Variants in UNC80 observed in about 807,000 individuals in gnomAD.
UNC80 encodes the protein unc-80 subunit of NALCN channel complex.
Under a neutral mutation model 384.6 loss-of-function variants are expected in UNC80, and 164 were observed. The ratio of observed to expected loss-of-function variants is 0.43; its 90% CI spans 0.38 to 0.49. UNC80 has a LOEUF of 0.49. UNC80 is among the 20% of genes least tolerant of loss of function. The pLI is 0.00. For synonymous variants in UNC80, 1,486 were observed against 1,527.8 expected (o/e 0.97, Z 0.64); for missense variants, 3,330 against 4,143.0 (o/e 0.80, Z 5.39).
intron 29 of UNC80, among the ~76,000 whole-genome samples, chr2:209,912,302 C>T (rs1186381974): frequency 6.6e-6 from 1 of 152,158 alleles, no homozygotes; most frequent in Non-Finnish European, 1.5e-5. Context: ...AGTTCCTCCA[C>T]CTCTCCAGAT....
In UNC80 at chr2:209,880,996, G is replaced by T. The variant is rs779770255; in HGVS notation, c.4012G>T (p.Ala1338Ser). Reference protein sequence around the residue: ...VNPSKCGCPFALKMAACQLLL... With the variant: ...VNPSKCGCPFSLKMAACQLLL... ...CCCCTCTAAATGCGGTTGCCCCTTT[G>T]CCTTGAAGATGGCAGCATGTCAGCT... is the stretch of plus-strand genomic sequence containing the variant. The change falls in exon 25 of 65, where the codon GCC (alanine) becomes TCC (serine). Residue 1338 changes from alanine to serine, a missense_variant. Physicochemically the swap from Ala to Ser is moderately conservative, Grantham distance 99 (BLOSUM62 1). Coordinates refer to ENST00000673920, the MANE Select transcript of UNC80 (RefSeq NM_001371986.1). The T allele has an allele frequency of 3.0e-5, 46 of 1,551,914 alleles. No individual in the cohort carries two copies. The highest frequency in any genetic ancestry group is 3.8e-5 in the Non-Finnish European group (44 of 1,147,072).
At chr2:209,936,033 C>G (rs1207198044) in intron 40 of UNC80, among the ~76,000 whole-genome samples, 3 of 152,094 alleles carry the variant, frequency 2.0e-5, no homozygotes, top group African/African-American at 7.2e-5. Context: ...ATCTGATTTT[C>G]AGGAACATAG....
At chr2:209,941,861 G>C (rs192838980) in intron 44 of UNC80, among the ~76,000 whole-genome samples, 1 of 152,186 alleles carries the variant, frequency 6.6e-6, no homozygotes, top group African/African-American at 2.4e-5. Flanking sequence ...ATCTCTTGAA[G>C]TGAGGAGCTT....
intron 61 of UNC80, among the ~76,000 whole-genome samples, chr2:209,988,431 A>G (rs894442776): frequency 1.3e-5 from 2 of 152,148 alleles, no homozygotes; most frequent in Admixed American, 6.5e-5. Context: ...TTTTGAAATG[A>G]GCGATATGAA....
intron 16 of UNC80, among the ~76,000 whole-genome samples, chr2:209,832,594 C>T (rs959203599): frequency 6.6e-6 from 1 of 152,084 alleles, no homozygotes; most frequent in African/African-American, 2.4e-5. Context: ...AGATAAAATC[C>T]CAAACTAAAG....
chr2:209,993,830 A>G (rs1358242729), intron 63 of UNC80, among the ~76,000 whole-genome samples: 2 of 152,224 alleles, frequency 1.3e-5, no homozygotes, highest in Non-Finnish European at 2.9e-5. Context: ...TTCTATACAA[A>G]TGTTATTTTA....
chr2:209,827,729 G>A (rs1245639307), intron 14 of UNC80, among the ~76,000 whole-genome samples: 3 of 152,064 alleles, frequency 2.0e-5, no homozygotes, highest in African/African-American at 4.8e-5. Flanking sequence ...TCTACCATTG[G>A]CCTTTCAGAA....
intron 25 of UNC80, 52 bp downstream of exon 25, chr2:209,881,146 T>C: frequency 1.3e-6 from 2 of 1,513,150 alleles, no homozygotes; most frequent in Admixed American, 4.3e-5. Flanking sequence ...AGGCCAGGCG[T>C]GTGTCTGGGT....
At chr2:209,853,323 T>A (rs1213057224) in intron 22 of UNC80, among the ~76,000 whole-genome samples, 1 of 152,136 alleles carries the variant, frequency 6.6e-6, no homozygotes, top group African/African-American at 2.4e-5. Context: ...AGAATTTAAA[T>A]GTGATTTTTT....
At position 209,872,732 on chromosome 2, in the gene UNC80, ATTC is replaced by A; in HGVS notation, c.3628-23_3628-21del. On this transcript the variant is annotated intron_variant, in intron 22 of 64. Transcript: ENST00000673920. The surrounding 1 kb of genome is among the most constrained non-coding windows in gnomAD (Gnocchi z 4.1). ...AGTTATTGTTCATTAATCCCACATT[ATTC>A]TTTCCTAAACAACCCTACACAGGAA... The A allele has an allele frequency of 1.3e-6, 2 of 1,537,782 alleles. No homozygotes were observed. Among genetic ancestry groups the A allele is most frequent in the Non-Finnish European group, 1.8e-6 (2 of 1,134,534 alleles).
chr2:209,798,479 G>A (rs1329651797), intron 7 of UNC80, among the ~76,000 whole-genome samples: 1 of 152,054 alleles, frequency 6.6e-6, no homozygotes, highest in African/African-American at 2.4e-5. Context: ...GTAGATGTGT[G>A]ATGTTATTTC....
intron 4 of UNC80, among the ~76,000 whole-genome samples, chr2:209,778,883 A>G (rs1249312866): frequency 2.0e-5 from 3 of 152,244 alleles, no homozygotes; most frequent in African/African-American, 7.2e-5. Context: ...GAACATTAAC[A>G]GTCACCATGA....
intron 54 of UNC80, 136 bp from the exon 55 acceptor site, chr2:209,972,065 G>A (rs1157638903): frequency 9.2e-7 from 1 of 1,083,814 alleles, no homozygotes; most frequent in Non-Finnish European, 1.3e-6. Context: ...CTTGTATGCT[G>A]TACAGACAAC....
In UNC80 at chr2:209,829,305, A is replaced by G; in HGVS notation, c.2552A>G (p.Asn851Ser). 1 of 1,551,464 alleles carries G rather than the reference A, an allele frequency of 6.4e-7. No homozygotes were observed. The highest frequency in any genetic ancestry group is 8.7e-7 in the Non-Finnish European group (1 of 1,146,812). Residue 851 changes from asparagine (N) to serine (S), a missense_variant, in exon 15 of 65, where the codon AAC becomes AGC. Physicochemically the swap from Asn to Ser is conservative, Grantham distance 46. Transcript: ENST00000673920. ...CGACAAACCATGAGGGACTATGTGAACAAGGACTCTCTCAATAATGTAGTG... is the reference window on the plus strand; with the variant it reads ...CGACAAACCATGAGGGACTATGTGAGCAAGGACTCTCTCAATAATGTAGTG... ...QFRQTMRDYV[N>S]KDSLNNVVDF...
chr2:209,973,101 G>C lies in UNC80; in HGVS notation c.8418G>C (p.Leu2806=). 1 of 1,551,630 alleles carries C rather than the reference G, an allele frequency of 6.4e-7. No individual in the cohort carries two copies. The highest frequency in any genetic ancestry group is 1.2e-5 in the South Asian group (1 of 84,056). The part of the protein sequence containing the change: ...PWLEQPEVQL[L]LQTVINVLLP... The stretch of plus-strand genomic sequence containing the variant: ...TGGAGCAGCCTGAGGTGCAGCTGCT[G>C]CTGCAGACAGTCATCAATGTACTCC... Residue 2806 remains leucine (L), a synonymous_variant, in exon 56 of 65, where the codon CTG becomes CTC. Transcript: ENST00000673920.
chr2:209,973,395 A>G, intron 56 of UNC80, 125 bp downstream of exon 56: 2 of 968,694 alleles, frequency 2.1e-6, no homozygotes, highest in South Asian at 3.6e-5. Flanking sequence ...AACTTAACTC[A>G]GAAAGAATTT....
chr2:209,976,127 G>A lies in UNC80; in HGVS notation c.8596G>A (p.Val2866Met), dbSNP rs1254006731. ...TSQAAYLALK[V>M]ILVCFERQLG... ...CTTTTCCCGGTGTGAAGCGCTGAAG[G>A]TGATTCTCGTCTGCTTTGAGAGGCA... The change falls in exon 57 of 65, where the codon GTG becomes ATG. Residue 2866 changes from valine (V) to methionine (M), a missense_variant. Val to Met is a conservative substitution (Grantham distance 21). This residue lies in a region of UNC80 where 1,049 missense variants were observed against 1,488.6 expected (regional missense o/e 0.70). Coordinates refer to ENST00000673920, the MANE Select transcript of UNC80 (RefSeq NM_001371986.1). The surrounding 1 kb of genome is among the most constrained non-coding windows in gnomAD (Gnocchi z 4.3). 3 of 1,550,982 alleles carry A rather than the reference G, an allele frequency of 1.9e-6. No homozygotes were observed. The highest frequency in any genetic ancestry group is 2.7e-5 in the African/African-American group (2 of 72,964).
intron 22 of UNC80, among the ~76,000 whole-genome samples, chr2:209,870,496 A>G (rs559877888): frequency 6.6e-6 from 1 of 152,216 alleles, no homozygotes; most frequent in African/African-American, 2.4e-5. Flanking sequence ...TATCCCTGTG[A>G]CCTGCTTCCT....
chr2:209,801,304 T>C (rs970763734), intron 7 of UNC80, among the ~76,000 whole-genome samples: 2 of 151,918 alleles, frequency 1.3e-5, no homozygotes, highest in Admixed American at 1.3e-4. Flanking sequence ...CATTATGTAA[T>C]GCCTTTCTTT....
Sources: gnomAD v4.1 joint callset for allele counts (sites outside exome capture counted in the v4.1 genomes callset) on GRCh38, gnomAD v4.1.1 for gene constraint, gnomAD v4.1.1 regional missense constraint, Gnocchi (gnomAD v3.1) non-coding constraint, MANE v1.5 for transcripts, NCBI Gene and HGNC (gene_info 2026-07-23, HGNC 2026-07-21) for gene names.